Variants in SLC9C1 observed in about 807,000 individuals in gnomAD.
SLC9C1 encodes sodium/hydrogen exchanger 10.
In SLC9C1, 97 loss-of-function variants were observed where a neutral mutation model predicts 140.9. That is an observed-to-expected ratio of 0.69 (90% CI 0.58 to 0.82). The LOEUF (loss-of-function observed/expected upper bound fraction) is 0.82, where lower values mean the gene tolerates loss of function less well. Among genes scored for constraint, SLC9C1 ranks in the 40% least tolerant of loss-of-function variants. The pLI is 0.00. For missense variants in SLC9C1, 1,340 were observed against 1,389.3 expected, an observed-to-expected ratio of 0.96 and a Z score of 0.56; for synonymous variants, 440 against 442.6, an observed-to-expected ratio of 0.99 and a Z score of 0.07.
chr3:112,162,629 C>T (rs372004701), intron 26 of SLC9C1, among the ~76,000 whole-genome samples: 1 of 152,044 alleles, frequency 6.6e-6, no homozygotes. Context: ...GCCCACTTGA[C>T]CATGGTGGAT....
At position 112,221,182 on chromosome 3, in the gene SLC9C1, C is replaced by G. The variant is rs775372131; in HGVS notation, c.1616G>C (p.Ser539Thr). The change falls in exon 14 of 29, where the codon AGT (serine) becomes ACT (threonine). Residue 539 changes from serine to threonine, a missense_variant. Ser to Thr is a moderately conservative substitution (Grantham distance 58). Coordinates refer to ENST00000305815, the MANE Select transcript of SLC9C1 (RefSeq NM_183061.3). ...RQYRNEILSQ[S>T]AVQVLVGAAE... ...TGCACCAACCAACACCTGGACAGCA[C>G]TCTGGGACAGAATCTCATTCCTGTA... The G allele has an allele frequency of 1.2e-6, 2 of 1,613,646 alleles. No homozygotes were observed. Among genetic ancestry groups the G allele is most frequent in the Non-Finnish European group, 8.5e-7 (1 of 1,179,748 alleles).
intron 28 of SLC9C1, among the ~76,000 whole-genome samples, chr3:112,146,339 T>C (rs939929254): frequency 1.3e-5 from 2 of 152,172 alleles, no homozygotes; most frequent in African/African-American, 4.8e-5. Context: ...TTTAGTTATT[T>C]CTTTTCTTCT....
intron 6 of SLC9C1, among the ~76,000 whole-genome samples, chr3:112,270,790 T>C (rs2080051251): frequency 6.6e-6 from 1 of 152,144 alleles, no homozygotes; most frequent in South Asian, 2.1e-4. Context: ...CACTCCAGCC[T>C]GGGCAAGAGA....
intron 10 of SLC9C1, among the ~76,000 whole-genome samples, chr3:112,260,303 A>T (rs1050991531): frequency 6.6e-6 from 1 of 151,072 alleles, no homozygotes; most frequent in Non-Finnish European, 1.5e-5. Flanking sequence ...TAGTTTTTTT[A>T]TGGTTTCAAT....
intron 5 of SLC9C1, among the ~76,000 whole-genome samples, chr3:112,277,394 C>T (rs1195704238): frequency 2.0e-5 from 3 of 152,108 alleles, no homozygotes; most frequent in South Asian, 2.1e-4. Context: ...AATATTGTAA[C>T]GTCCCAGAAC....
chr3:112,182,644 GAA>G (rs141192865), intron 20 of SLC9C1, among the ~76,000 whole-genome samples: 2 of 151,372 alleles, frequency 1.3e-5, no homozygotes, highest in Non-Finnish European at 2.9e-5. Flanking sequence ...TAGCAGATGT[GAA>G]AAAAAAGTGT....
At chr3:112,277,441 C>T (rs1024591136) in intron 5 of SLC9C1, among the ~76,000 whole-genome samples, 1 of 152,086 alleles carries the variant, frequency 6.6e-6, no homozygotes, top group African/African-American at 2.4e-5. Context: ...TGTATAAAGT[C>T]AAGGGTTCTA....
At chr3:112,268,505 A>C (rs1186724957) in intron 7 of SLC9C1, among the ~76,000 whole-genome samples, 1 of 152,192 alleles carries the variant, frequency 6.6e-6, no homozygotes, top group Non-Finnish European at 1.5e-5. Flanking sequence ...ATATTTTATA[A>C]CTTTTTACCA....
At chr3:112,172,070 A>C (rs2077257370) in intron 23 of SLC9C1, among the ~76,000 whole-genome samples, 1 of 152,110 alleles carries the variant, frequency 6.6e-6, no homozygotes, top group African/African-American at 2.4e-5. Context: ...TGTTTTGCCT[A>C]TTATAGGTCC....
chr3:112,273,291 G>C (rs1167801261), intron 6 of SLC9C1, among the ~76,000 whole-genome samples: 2 of 151,936 alleles, frequency 1.3e-5, no homozygotes, highest in Non-Finnish European at 1.5e-5. Context: ...TTTGCACCCT[G>C]GGTTTTAGTA....
chr3:112,238,480 C>CT (rs895785254), intron 12 of SLC9C1, among the ~76,000 whole-genome samples: 13 of 152,214 alleles, frequency 8.5e-5, no homozygotes, highest in Non-Finnish European at 1.2e-4. Context: ...CTCTGTCCAG[C>CT]TTTTTTCTGT....
At chr3:112,223,276 C>A (rs1466256224) in intron 13 of SLC9C1, among the ~76,000 whole-genome samples, 1 of 151,992 alleles carries the variant, frequency 6.6e-6, no homozygotes, top group Non-Finnish European at 1.5e-5. Flanking sequence ...GAATTTGAGA[C>A]CAGTCTGAGC....
At chr3:112,263,710 C>G (rs908367069) in intron 9 of SLC9C1, among the ~76,000 whole-genome samples, 1 of 151,838 alleles carries the variant, frequency 6.6e-6, no homozygotes, top group Non-Finnish European at 1.5e-5. Flanking sequence ...TGGTTTTTCT[C>G]ACTCTATGCT....
chr3:112,152,036 T>C (rs2074997687), intron 27 of SLC9C1, 73 bp from the exon 28 acceptor site: 1 of 1,176,246 alleles, frequency 8.5e-7, no homozygotes, highest in African/African-American at 1.6e-5. Context: ...TCCACACCTG[T>C]GGGTATTTCT....
intron 10 of SLC9C1, among the ~76,000 whole-genome samples, chr3:112,252,867 A>G (rs977635751): frequency 9.3e-5 from 14 of 150,226 alleles, no homozygotes; most frequent in Middle Eastern, 3.4e-3. Flanking sequence ...CCAAGTGGAG[A>G]CTCCAGCCAC....
chr3:112,181,896 T>C (rs1241715122), intron 21 of SLC9C1, among the ~76,000 whole-genome samples: 1 of 152,080 alleles, frequency 6.6e-6, no homozygotes. Context: ...AGTGGTTCAG[T>C]ATAAATAGAG....
At chr3:112,165,716 C>T (rs1007154959) in intron 26 of SLC9C1, among the ~76,000 whole-genome samples, 2 of 152,206 alleles carry the variant, frequency 1.3e-5, no homozygotes, top group African/African-American at 4.8e-5. Flanking sequence ...ACTCGGGGGT[C>T]AGGGACCCAC....
intron 13 of SLC9C1, among the ~76,000 whole-genome samples, chr3:112,226,938 C>T (rs2078698718): frequency 6.6e-6 from 1 of 151,654 alleles, no homozygotes; most frequent in African/African-American, 2.4e-5. Context: ...AACCATTAGA[C>T]TAAGAAAATA....
rs115914376 is a variant in SLC9C1, at chr3:112,278,916, A to G, written c.190-59T>C. 1.1e-3 allele frequency: 1,723 copies of G among 1,512,178 alleles called. 21 individuals carry two copies. The African/African-American group carries it at 0.022, about 20-fold the overall frequency. The allele number at this position is 1,512,178 out of a possible 1,614,324, so 93.7% of individuals were successfully genotyped here. Reference sequence around the variant, plus strand: ...ATTCATCACTATTAGAATAGAATACATGCTAGGTGCTCCTAAATCTAACAG... The same window carrying G: ...ATTCATCACTATTAGAATAGAATACGTGCTAGGTGCTCCTAAATCTAACAG... On this transcript the variant is annotated intron_variant, in intron 3 of 28. Transcript: ENST00000305815.
Sources: gnomAD v4.1 joint callset for allele counts (sites outside exome capture counted in the v4.1 genomes callset) on GRCh38, gnomAD v4.1.1 for gene constraint, MANE v1.5 for transcripts, NCBI Gene and HGNC (gene_info 2026-07-23, HGNC 2026-07-21) for gene names.